ST13: variants seen among roughly 807,000 people sequenced by gnomAD.
ST13 encodes the protein ST13 Hsp70 interacting protein.
Under a neutral mutation model 56.7 loss-of-function variants are expected in ST13, and 23 were observed. That is an observed-to-expected ratio of 0.41 (90% CI 0.29 to 0.57). The LOEUF (loss-of-function observed/expected upper bound fraction) is 0.57, where lower values mean the gene tolerates loss of function less well. Ranked by LOEUF, ST13 falls within the 20% of genes least tolerant of loss-of-function variation. The pLI, the probability that ST13 is intolerant of heterozygous loss-of-function variation, is 0.36. For missense variants in ST13, 369 were observed against 459.9 expected (o/e 0.80, Z 1.81); for synonymous variants, 132 against 142.4 (o/e 0.93, Z 0.52).
At chr22:40,840,780 C>T (rs1461795257) in intron 4 of ST13, 88 bp from the exon 5 acceptor site, 2 of 1,013,780 alleles carry the variant, frequency 2.0e-6, no homozygotes, top group Non-Finnish European at 3.0e-6. Context: ...GGCGCAGTCA[C>T]AATACCCATT....
At chr22:40,829,589 A>G in intron 10 of ST13, 37 bp downstream of exon 10, 1 of 1,153,200 alleles carries the variant, frequency 8.7e-7, no homozygotes, top group Non-Finnish European at 1.2e-6. Flanking sequence ...TCACTGTATA[A>G]TAGAACAAAA....
chr22:40,832,106 G>A (rs536692863), intron 8 of ST13: 98 of 449,982 alleles, frequency 2.2e-4, no homozygotes, highest in Admixed American at 4.1e-4. Flanking sequence ...CACCTGCCTC[G>A]GCCTCCCAAA....
intron 10 of ST13, among the ~76,000 whole-genome samples, chr22:40,827,480 T>A (rs1281369143): frequency 1.3e-5 from 2 of 152,180 alleles, no homozygotes; most frequent in Admixed American, 6.5e-5. Context: ...CACTGTTTTT[T>A]ATTTTTGTTT....
At chr22:40,834,328 C>CAA (rs1468224945) in intron 7 of ST13, among the ~76,000 whole-genome samples, 1 of 152,092 alleles carries the variant, frequency 6.6e-6, no homozygotes, top group Non-Finnish European at 1.5e-5. Context: ...AAAAAACCTT[C>CAA]AAACTTTACT....
chr22:40,832,231 G>A (rs1176628337), intron 8 of ST13: 1 of 476,008 alleles, frequency 2.1e-6, no homozygotes, highest in Non-Finnish European at 4.3e-6. Flanking sequence ...GATAAATAAG[G>A]ACACATCAGA....
chr22:40,848,243 A>G (rs376277208), intron 3 of ST13, 51 bp downstream of exon 3: 5 of 1,325,184 alleles, frequency 3.8e-6, no homozygotes, highest in East Asian at 4.6e-5. Flanking sequence ...AAAAATCAAC[A>G]AAGTATCACA....
In ST13 at chr22:40,830,873, C is replaced by A; in HGVS notation, c.765G>T (p.Lys255Asn). The A allele has an allele frequency of 6.2e-7, 1 of 1,608,572 alleles. No homozygotes were observed. Among genetic ancestry groups the A allele is most frequent in the Non-Finnish European group, 8.5e-7 (1 of 1,179,474 alleles). Reference protein sequence around the residue: ...REIKERIERVKKAREEHERAQ... With the variant: ...REIKERIERVNKAREEHERAQ... ...CTCTCTCATGCTCTTCTCGAGCCTTCTTAACTCGTTCTATTCTTTCTTTGA... is the reference window on the plus strand; with the variant it reads ...CTCTCTCATGCTCTTCTCGAGCCTTATTAACTCGTTCTATTCTTTCTTTGA... Residue 255 changes from lysine to asparagine, a missense_variant, in exon 9 of 12, where the codon AAG (lysine) becomes AAT (asparagine). Transcript: ENST00000216218.
chr22:40,849,597 AG>A (rs2057851018), intron 2 of ST13, among the ~76,000 whole-genome samples: 1 of 152,120 alleles, frequency 6.6e-6, no homozygotes, highest in Non-Finnish European at 1.5e-5. Flanking sequence ...TGAAAAGAAA[AG>A]ACAAGCCATA....
At chr22:40,840,781 A>G in intron 4 of ST13, 89 bp from the exon 5 acceptor site, 1 of 1,008,902 alleles carries the variant, frequency 9.9e-7, no homozygotes, top group Non-Finnish European at 1.5e-6. Flanking sequence ...GCGCAGTCAC[A>G]ATACCCATTT....
intron 3 of ST13, among the ~76,000 whole-genome samples, chr22:40,845,813 A>G (rs2057828260): frequency 6.6e-6 from 1 of 152,168 alleles, no homozygotes; most frequent in South Asian, 2.1e-4. Context: ...GTCAAAAAAA[A>G]AAAATTTAAA....
chr22:40,835,524 A>G (rs760325809), intron 7 of ST13, 36 bp downstream of exon 7: 6 of 1,529,634 alleles, frequency 3.9e-6, no homozygotes, highest in Non-Finnish European at 5.4e-6. Flanking sequence ...ATTTAAATGT[A>G]AAGAGTTCTG....
At chr22:40,855,275 C>A (rs1388172210) in intron 1 of ST13, among the ~76,000 whole-genome samples, 1 of 152,104 alleles carries the variant, frequency 6.6e-6, no homozygotes, top group African/African-American at 2.4e-5. Context: ...CTTAATGGGA[C>A]CCCCATCTCT....
At position 40,830,722 on chromosome 22, in the gene ST13, C is replaced by T. The variant is rs2057749938; in HGVS notation, c.798+118G>A. 3 of 541,548 alleles carry T rather than the reference C, an allele frequency of 5.5e-6. No homozygotes were observed. In the East Asian group the frequency reaches 8.7e-5, roughly 16 times the overall value. 33.5% of individuals were successfully genotyped at this position (541,548 alleles called of 1,614,324 possible). On this transcript the variant is annotated intron_variant, in intron 9 of 11. Transcript: ENST00000216218. Reference sequence around the variant, plus strand: ...AGACTCCCCATAAGTAATATCATTACTCTATAGAACTGTAGCCAGCATTAA... The same window carrying T: ...AGACTCCCCATAAGTAATATCATTATTCTATAGAACTGTAGCCAGCATTAA...
intron 10 of ST13, among the ~76,000 whole-genome samples, chr22:40,827,603 G>A (rs572276368): frequency 3.3e-5 from 5 of 151,998 alleles, no homozygotes; most frequent in Non-Finnish European, 7.4e-5. Flanking sequence ...TCAGCCTTCT[G>A]AGTAGTTGAG....
At chr22:40,829,353 T>C (rs1480502100) in intron 10 of ST13, among the ~76,000 whole-genome samples, 2 of 152,200 alleles carry the variant, frequency 1.3e-5, no homozygotes, top group Admixed American at 1.3e-4. Flanking sequence ...GTCTCTTCTA[T>C]CTCTGTGTTA....
rs1757665507 is a variant in ST13, at chr22:40,847,872, GC to G, written c.244+421del. The stretch of plus-strand genomic sequence containing the variant: ...GGCCAGCCTTGCCAACATGGTGAAA[GC>G]CCGTCTTTACTAAAATTATAAAAAT... On this transcript the variant is annotated intron_variant, in intron 3 of 11. Coordinates refer to ENST00000216218, the MANE Select transcript of ST13 (RefSeq NM_003932.5). 5.3e-5 allele frequency among the ~76,000 whole-genome samples: 8 copies of G among 152,042 alleles called. No homozygotes were observed. The South Asian group carries it at 1.7e-3, about 32-fold the overall frequency.
intron 2 of ST13, among the ~76,000 whole-genome samples, chr22:40,848,954 G>A (rs947268721): frequency 5.9e-5 from 9 of 152,122 alleles, no homozygotes; most frequent in East Asian, 1.9e-4. Context: ...AAAAGTGCAC[G>A]ACATATAGAA....
chr22:40,848,688 A>G (rs1308365316), intron 2 of ST13, among the ~76,000 whole-genome samples: 3 of 152,208 alleles, frequency 2.0e-5, no homozygotes, highest in African/African-American at 7.2e-5. Context: ...GGTGGCAGTG[A>G]GCTGAGATCA....
intron 3 of ST13, among the ~76,000 whole-genome samples, chr22:40,846,662 T>C (rs924280466): frequency 5.3e-5 from 8 of 152,180 alleles, no homozygotes; most frequent in Non-Finnish European, 1.2e-4. Context: ...CTCAAACAAC[T>C]GCCAGTAGAA....
Sources: allele counts gnomAD v4.1 joint callset (sites outside exome capture counted in the v4.1 genomes callset), GRCh38; gene constraint gnomAD v4.1.1; transcripts MANE v1.5; gene names NCBI Gene and HGNC (gene_info 2026-07-23, HGNC 2026-07-21).